Variants in MAF1 observed in about 807,000 individuals in gnomAD.
MAF1 encodes the protein MAF1 negative regulator of RNA polymerase III, also known as repressor of RNA polymerase III transcription MAF1 homolog.
MAF1 carries 7 observed loss-of-function variants against 31.9 expected under a neutral mutation model. That is an observed-to-expected ratio of 0.22 (90% CI 0.12 to 0.41). The LOEUF (loss-of-function observed/expected upper bound fraction) is 0.41. Among genes scored for constraint, MAF1 ranks in the 10% least tolerant of loss-of-function variants. The pLI, the probability that MAF1 is intolerant of heterozygous loss-of-function variation, is 1.00. For missense variants in MAF1, 221 were observed against 323.1 expected (o/e 0.68, Z 2.42); for synonymous variants, 157 against 120.0 (o/e 1.31, Z -2.02).
In MAF1 at chr8:144,107,110, T is replaced by G. The variant is rs1564318459; in HGVS notation, c.*1T>G. 6.4e-7 allele frequency: 1 copy of G among 1,567,694 alleles called. No homozygotes were observed. The highest frequency in any genetic ancestry group is 2.4e-5 in the East Asian group (1 of 41,978). On this transcript the variant is annotated 3_prime_UTR_variant, in exon 8 of 8. Transcript: ENST00000322428. The stretch of plus-strand genomic sequence containing the variant: ...CAGGGTCCCAGTGATCTGTATTTGA[T>G]GAGGAGGAGCCGAGGCCCCAGCTTC...
chr8:144,107,465 C>A lies in MAF1; in HGVS notation c.*356C>A, dbSNP rs1452958837. The A allele has an allele frequency of 1.7e-6, 1 of 582,634 alleles. No individual in the cohort carries two copies. Among genetic ancestry groups the A allele is most frequent in the Non-Finnish European group, 3.1e-6 (1 of 326,516 alleles). The allele number at this position is 582,634 out of a possible 1,614,324, so 36.1% of individuals were successfully genotyped here. A position where few individuals can be genotyped will look rare whatever the true frequency, so the allele number is the denominator to read the frequency against. On this transcript the variant is annotated 3_prime_UTR_variant, in exon 8 of 8. Transcript: ENST00000322428. ...GCCCAAAGGGTCTGTGGCCGGAGGC[C>A]CCACGAGCAGGCCCCAGCAGTCACC...
chr8:144,106,698 C>T (rs551834821), intron 6 of MAF1, 24 bp downstream of exon 6: 1 of 1,607,046 alleles, frequency 6.2e-7, no homozygotes, highest in African/African-American at 1.3e-5. Flanking sequence ...GCCTCCTCCC[C>T]CACCTCCCTG....
intron 6 of MAF1, 73 bp from the exon 7 acceptor site, chr8:144,106,762 C>CTGAA: frequency 6.4e-7 from 1 of 1,570,282 alleles, no homozygotes; most frequent in Non-Finnish European, 8.6e-7. Context: ...TTTGCCCTCC[C>CTGAA]TGAACATCCT....
At position 144,106,030 on chromosome 8, in the gene MAF1, G is replaced by A; in HGVS notation, c.212+33G>A. On this transcript the variant is annotated intron_variant, in intron 3 of 7. Coordinates refer to ENST00000322428, the MANE Select transcript of MAF1 (RefSeq NM_032272.5). The stretch of plus-strand genomic sequence containing the variant: ...ATGGTGGGGCCTACCTGGGGCTGGG[G>A]GTTGAGGGGAGGTGATGGGCCCAGC... 3 of 1,613,554 alleles carry A rather than the reference G, an allele frequency of 1.9e-6. No individual in the cohort carries two copies. In the Admixed American group the frequency reaches 5.0e-5, roughly 27 times the overall value.
Position 144,104,564 on chromosome 8 carries a change from C to T in MAF1, c.-339C>T, listed in dbSNP as rs1337779231. On this transcript the variant is annotated 5_prime_UTR_variant, in exon 1 of 8. Coordinates refer to ENST00000322428, the MANE Select transcript of MAF1 (RefSeq NM_032272.5). ...CTCGGCTCGCTGACTCGCCGGAGCG[C>T]TCTGTGGCGGTCGGCGGCAGGTCGG... is the stretch of plus-strand genomic sequence containing the variant. 1 of 152,200 alleles carries T rather than the reference C, an allele frequency of 6.6e-6. No individual in the cohort carries two copies. The highest frequency in any genetic ancestry group is 6.5e-5 in the Admixed American group (1 of 15,290). The allele number at this position is 152,200 out of a possible 1,614,324, so 9.4% of individuals were successfully genotyped here. A position where few individuals can be genotyped will look rare whatever the true frequency, so the allele number is the denominator to read the frequency against.
chr8:144,105,778 T>TG lies in MAF1; in HGVS notation c.83+19dup, dbSNP rs747797971. The TG allele has an allele frequency of 5.1e-5, 82 of 1,611,406 alleles. No individual in the cohort carries two copies. In the Middle Eastern group the frequency reaches 8.3e-4, roughly 16 times the overall value. On this transcript the variant is annotated intron_variant, in intron 2 of 7. Coordinates refer to ENST00000322428, the MANE Select transcript of MAF1 (RefSeq NM_032272.5). ...CACATCATTGGCAGGTGAGGCAGGC[T>TG]GGGGGGGCTGGCATCTCGGAGGTCA...
At chr8:144,106,702 C>T (rs1836421463) in intron 6 of MAF1, 28 bp downstream of exon 6, 3 of 1,605,502 alleles carry the variant, frequency 1.9e-6, no homozygotes, top group African/African-American at 1.3e-5. Context: ...CCTCCCCCAC[C>T]TCCCTGTTGG....
intron 6 of MAF1, 73 bp from the exon 7 acceptor site, chr8:144,106,762 C>T (rs1212391037): frequency 1.5e-5 from 23 of 1,570,282 alleles, no homozygotes; most frequent in Non-Finnish European, 1.9e-5. Context: ...TTTGCCCTCC[C>T]TGAACATCCT....
At position 144,106,951 on chromosome 8, in the gene MAF1, TGGA is replaced by T; in HGVS notation, c.744_746del (p.Glu248del). ...AGTGGGGCCGAGGAGACCAGCACCA[TGGA>T]GGAGGACAGGTGTGTGATGGGGGCC... On this transcript the variant is annotated inframe_deletion, in exon 7 of 8. Coordinates refer to ENST00000322428, the MANE Select transcript of MAF1 (RefSeq NM_032272.5). 6 of 1,524,156 alleles carry T rather than the reference TGGA, an allele frequency of 3.9e-6. No homozygotes were observed. In the South Asian group the frequency reaches 5.0e-5, roughly 13 times the overall value. The allele number at this position is 1,524,156 out of a possible 1,614,324, so 94.4% of individuals were successfully genotyped here. A position where few individuals can be genotyped will look rare whatever the true frequency, so the allele number is the denominator to read the frequency against.
At chr8:144,105,532 G>A in intron 1 of MAF1, 108 bp from the exon 2 acceptor site, 1 of 654,980 alleles carries the variant, frequency 1.5e-6, no homozygotes, top group African/African-American at 1.8e-5. Flanking sequence ...CCTGGACAGA[G>A]GCCAGACTCA....
Position 144,104,521 on chromosome 8 carries a change from A to C in MAF1, c.-382A>C, listed in dbSNP as rs1587617083. 1 of 151,392 alleles carries C rather than the reference A, an allele frequency of 6.6e-6. No individual in the cohort carries two copies. Among genetic ancestry groups the C allele is most frequent in the Non-Finnish European group, 1.5e-5 (1 of 67,916 alleles). 9.4% of individuals were successfully genotyped at this position (151,392 alleles called of 1,614,324 possible). On this transcript the variant is annotated 5_prime_UTR_variant, in exon 1 of 8. Transcript: ENST00000322428. ...GTTGTTGTCCGGCCGGGGGAGGCGG[A>C]GGTCGCTCGCTCGCTCGCTCGGCTC...
At chr8:144,104,892 G>T (rs1836379922) in intron 1 of MAF1, 34 bp downstream of exon 1, 1 of 152,374 alleles carries the variant, frequency 6.6e-6, no homozygotes, top group East Asian at 1.9e-4. Context: ...CGCCGTCTGC[G>T]TACCCGGAAC....
chr8:144,107,038 G>C, intron 7 of MAF1, 50 bp from the exon 8 acceptor site: 3 of 1,563,868 alleles, frequency 1.9e-6, no homozygotes, highest in Non-Finnish European at 1.7e-6. Flanking sequence ...TCCTCTACTT[G>C]GTCTAAGTGG....
chr8:144,106,896 G>T lies in MAF1; in HGVS notation c.682G>T (p.Glu228Ter). Reference sequence around the variant, plus strand: ...GCTGGACATGGAGCTGGGGGAGGAGGAGGTGGAGGAAGAAAGCAGAAGCGG... The same window carrying T: ...GCTGGACATGGAGCTGGGGGAGGAGTAGGTGGAGGAAGAAAGCAGAAGCGG... ...NELDMELGEE[E>*]VEEESRSGGS... Residue 228 changes from glutamate to a stop codon, truncating the protein, a stop_gained, in exon 7 of 8, where the codon GAG (glutamate) becomes TAG (stop). Coordinates refer to ENST00000322428, the MANE Select transcript of MAF1 (RefSeq NM_032272.5). LOFTEE classifies it high-confidence loss of function. The T allele has an allele frequency of 6.5e-7, 1 of 1,531,558 alleles. No individual in the cohort carries two copies. The highest frequency in any genetic ancestry group is 1.4e-5 in the African/African-American group (1 of 72,212). 94.9% of individuals were successfully genotyped at this position (1,531,558 alleles called of 1,614,324 possible).
At chr8:144,105,615 C>T in intron 1 of MAF1, 25 bp from the exon 2 acceptor site, 1 of 1,413,266 alleles carries the variant, frequency 7.1e-7, no homozygotes, top group South Asian at 1.2e-5. Context: ...GATAGATACC[C>T]ATGGTCTGGT....
chr8:144,105,636 C>A lies in MAF1; in HGVS notation c.-44-4C>A. On this transcript the variant is annotated splice_region_variant and splice_polypyrimidine_tract_variant and intron_variant, in intron 1 of 7. Transcript: ENST00000322428. ...TACCCATGGTCTGGTCTCTCACTCCCCAGGCAATACTAGCCCCTCTGGAGC... is the reference window on the plus strand; with the variant it reads ...TACCCATGGTCTGGTCTCTCACTCCACAGGCAATACTAGCCCCTCTGGAGC... The A allele has an allele frequency of 1.3e-6, 2 of 1,553,436 alleles. No individual in the cohort carries two copies. Among genetic ancestry groups the A allele is most frequent in the South Asian group, 2.2e-5 (2 of 89,872 alleles).
Position 144,104,687 on chromosome 8 carries a change from C to T in MAF1, c.-216C>T, listed in dbSNP as rs927036250. On this transcript the variant is annotated 5_prime_UTR_variant, in exon 1 of 8. Coordinates refer to ENST00000322428, the MANE Select transcript of MAF1 (RefSeq NM_032272.5). ...GGAGTAACGGGACGTCGCCGCGGAGCTTCTTCCCCCGGATACAGTGCGGCC... is the reference window on the plus strand; with the variant it reads ...GGAGTAACGGGACGTCGCCGCGGAGTTTCTTCCCCCGGATACAGTGCGGCC... The T allele has an allele frequency of 1.3e-5, 2 of 152,230 alleles. No homozygotes were observed. The highest frequency in any genetic ancestry group is 6.5e-5 in the Admixed American group (1 of 15,286). 9.4% of individuals were successfully genotyped at this position (152,230 alleles called of 1,614,324 possible).
Position 144,107,542 on chromosome 8 carries a change from A to G in MAF1, c.*433A>G. On this transcript the variant is annotated 3_prime_UTR_variant, in exon 8 of 8. Transcript: ENST00000322428. ...GCCCACCTGTACCCCCACCTCGCCCATTTGGCCGCGTGCACTGAGTGTCAC... is the reference window on the plus strand; with the variant it reads ...GCCCACCTGTACCCCCACCTCGCCCGTTTGGCCGCGTGCACTGAGTGTCAC... 3.3e-6 allele frequency: 2 copies of G among 603,282 alleles called. No homozygotes were observed. Among genetic ancestry groups the G allele is most frequent in the Non-Finnish European group, 6.0e-6 (2 of 334,390 alleles). 37.4% of individuals were successfully genotyped at this position (603,282 alleles called of 1,614,324 possible).
chr8:144,106,919 CGG>C lies in MAF1; in HGVS notation c.709_710del (p.Gly237GlnfsTer69). On this transcript the variant is annotated frameshift_variant, in exon 7 of 8. Transcript: ENST00000322428. LOFTEE classifies it high-confidence loss of function. ...AGGAGGTGGAGGAAGAAAGCAGAAG[CGG>C]GGGCAGTGGGGCCGAGGAGACCAGC... ...EEEVEEESRSGGSGAEETSTM... is the reference protein window; with the variant it reads ...EEEVEEESRSXGSGAEETSTM... The C allele has an allele frequency of 6.6e-7, 1 of 1,522,830 alleles. No individual in the cohort carries two copies. The highest frequency in any genetic ancestry group is 8.8e-7 in the Non-Finnish European group (1 of 1,138,108). 94.3% of individuals were successfully genotyped at this position (1,522,830 alleles called of 1,614,324 possible).
Sources: gnomAD v4.1 joint callset for allele counts on GRCh38, gnomAD v4.1.1 for gene constraint, MANE v1.5 for transcripts, NCBI Gene and HGNC (gene_info 2026-07-23, HGNC 2026-07-21) for gene names.